The following NRG3 variants were observed in gnomAD, a reference collection of about 807,000 sequenced individuals.
NRG3 encodes the protein pro-neuregulin-3, membrane-bound isoform.
Under a neutral mutation model 66.9 loss-of-function variants are expected in NRG3, and 31 were observed. That is an observed-to-expected ratio of 0.46 (90% CI 0.35 to 0.63). NRG3 has a LOEUF of 0.63. NRG3 is among the 20% of genes least tolerant of loss of function. The pLI is 0.00. For synonymous variants in NRG3, 393 were observed against 359.4 expected (o/e 1.09, Z -1.06); for missense variants, 910 against 878.9 (o/e 1.04, Z -0.45).
intron 2 of NRG3, among the ~76,000 whole-genome samples, chr10:82,500,610 T>C (rs750960074): frequency 1.4e-5 from 2 of 147,250 alleles, no homozygotes; most frequent in Non-Finnish European, 3.0e-5. Context: ...TTTCAGTGGG[T>C]CTTTAGAATC....
intron 2 of NRG3, among the ~76,000 whole-genome samples, chr10:82,416,314 C>T (rs2088567568): frequency 6.6e-6 from 1 of 152,154 alleles, no homozygotes; most frequent in South Asian, 2.1e-4. Flanking sequence ...GGTGACTTAG[C>T]AACCACCTGC....
At chr10:82,556,845 C>G (rs7901485) in intron 2 of NRG3, among the ~76,000 whole-genome samples, 19,102 of 152,042 alleles carry the variant, frequency 0.13, 2,298 homozygotes, top group African/African-American at 0.31. Context: ...GCCTGTGTTC[C>G]TAAGTTCTCA....
At chr10:82,420,132 G>T (rs576106497) in intron 2 of NRG3, among the ~76,000 whole-genome samples, 2 of 152,080 alleles carry the variant, frequency 1.3e-5, no homozygotes, top group South Asian at 4.1e-4. Flanking sequence ...GCTGCAGTTG[G>T]CCTATAGCTC....
At chr10:82,876,698 A>T (rs1841847696) in intron 4 of NRG3, among the ~76,000 whole-genome samples, 1 of 152,296 alleles carries the variant, frequency 6.6e-6, no homozygotes, top group South Asian at 2.1e-4. Flanking sequence ...AATAAAGAGC[A>T]ACAGTGATGT....
At chr10:82,541,086 A>G (rs2043507524) in intron 2 of NRG3, among the ~76,000 whole-genome samples, 1 of 152,136 alleles carries the variant, frequency 6.6e-6, no homozygotes, top group Non-Finnish European at 1.5e-5. Context: ...TGTCACCTTG[A>G]TCTCAGACTT....
At chr10:82,228,915 A>G (rs995524222) in intron 1 of NRG3, 67 of 152,414 alleles carry the variant, frequency 4.4e-4, no homozygotes, top group Admixed American at 4.3e-3. Flanking sequence ...GTCAGGAGAC[A>G]TTGAGACTTA....
At chr10:82,300,125 G>A (rs887344933) in intron 1 of NRG3, among the ~76,000 whole-genome samples, 1 of 152,128 alleles carries the variant, frequency 6.6e-6, no homozygotes, top group African/African-American at 2.4e-5. Flanking sequence ...TTAGTTTGGG[G>A]ATTAATATTT....
chr10:82,465,346 T>C (rs1840575373), intron 2 of NRG3, among the ~76,000 whole-genome samples: 1 of 152,146 alleles, frequency 6.6e-6, no homozygotes. Flanking sequence ...AAACGAAGAA[T>C]TCCAAGTGGG....
At chr10:82,834,902 T>G (rs1344124427) in intron 3 of NRG3, among the ~76,000 whole-genome samples, 1 of 152,210 alleles carries the variant, frequency 6.6e-6, no homozygotes, top group African/African-American at 2.4e-5. Flanking sequence ...GATTCTCCTC[T>G]GGTTGTCTGA....
intron 4 of NRG3, among the ~76,000 whole-genome samples, chr10:82,940,872 T>C (rs1043686393): frequency 6.6e-6 from 1 of 152,152 alleles, no homozygotes; most frequent in Non-Finnish European, 1.5e-5. Context: ...TACTAACATA[T>C]GCATTTTGGG....
At chr10:82,499,871 A>C (rs963174371) in intron 2 of NRG3, among the ~76,000 whole-genome samples, 3 of 152,208 alleles carry the variant, frequency 2.0e-5, no homozygotes, top group African/African-American at 7.2e-5. Context: ...CCTCAGCTTG[A>C]AAGTTGTGAT....
At chr10:82,179,133 A>G (rs2073240291) in intron 1 of NRG3, among the ~76,000 whole-genome samples, 1 of 152,044 alleles carries the variant, frequency 6.6e-6, no homozygotes, top group Non-Finnish European at 1.5e-5. Flanking sequence ...TTTAAAAATT[A>G]TATTTTAAGT....
intron 3 of NRG3, among the ~76,000 whole-genome samples, chr10:82,758,500 A>T (rs2135027686): frequency 6.6e-6 from 1 of 152,224 alleles, no homozygotes; most frequent in African/African-American, 2.4e-5. Flanking sequence ...AATTATGAAT[A>T]AATGTATGAC....
chr10:82,851,411 G>A (rs1022395473), intron 3 of NRG3, among the ~76,000 whole-genome samples: 2 of 152,100 alleles, frequency 1.3e-5, no homozygotes. Context: ...GCATGGCTCA[G>A]CAGCAGCAGC....
intron 4 of NRG3, among the ~76,000 whole-genome samples, chr10:82,919,425 C>T (rs996143917): frequency 6.6e-6 from 1 of 151,952 alleles, no homozygotes; most frequent in Non-Finnish European, 1.5e-5. Context: ...AAGCAACCAG[C>T]GATTATAGGG....
At chr10:82,802,561 C>T (rs2061087901) in intron 3 of NRG3, among the ~76,000 whole-genome samples, 1 of 152,124 alleles carries the variant, frequency 6.6e-6, no homozygotes, top group African/African-American at 2.4e-5. Context: ...AAAAATATAT[C>T]TTTCAAATTG....
At chr10:82,078,369 G>A (rs542111996) in intron 1 of NRG3, among the ~76,000 whole-genome samples, 8 of 152,136 alleles carry the variant, frequency 5.3e-5, no homozygotes, top group South Asian at 4.1e-4. Flanking sequence ...GTTATTTTTC[G>A]AGACAGAATC....
chr10:82,888,055 G>A (rs559989724), intron 4 of NRG3, among the ~76,000 whole-genome samples: 87 of 152,164 alleles, frequency 5.7e-4, no homozygotes, highest in African/African-American at 1.6e-3. Flanking sequence ...ACATATTATG[G>A]CATCATTGTG....
intron 2 of NRG3, among the ~76,000 whole-genome samples, chr10:82,487,240 G>A (rs1337652138): frequency 6.6e-6 from 1 of 151,852 alleles, no homozygotes; most frequent in South Asian, 2.1e-4. Flanking sequence ...GAAATTGTAA[G>A]TCAGTATAAA....
Sources: allele counts gnomAD v4.1 joint callset (sites outside exome capture counted in the v4.1 genomes callset), GRCh38; gene constraint gnomAD v4.1.1; transcripts MANE v1.5; gene names NCBI Gene and HGNC (gene_info 2026-07-23, HGNC 2026-07-21).